Variants in SV2C observed in about 807,000 individuals in gnomAD.
SV2C encodes solute carrier family 22 member B3.
In SV2C, 49 loss-of-function variants were observed where a neutral mutation model predicts 79.7. The observed-to-expected ratio is 0.61, with a 90% CI of 0.49 to 0.78. The LOEUF is 0.78. Ranked by LOEUF, SV2C falls within the 30% of genes least tolerant of loss-of-function variation. The pLI is 0.00. For missense variants in SV2C, 833 were observed against 912.9 expected, an observed-to-expected ratio of 0.91 and a Z score of 1.13; for synonymous variants, 334 against 333.2, an observed-to-expected ratio of 1.00 and a Z score of -0.03.
At chr5:76,340,121 G>A (rs895503427) in intron 12 of SV2C, among the ~76,000 whole-genome samples, 3 of 152,104 alleles carry the variant, frequency 2.0e-5, no homozygotes, top group South Asian at 2.1e-4. Context: ...TCCCTCCAGC[G>A]CCATGACAGT....
intron 12 of SV2C, 104 bp downstream of exon 12, chr5:76,301,649 C>T: frequency 2.2e-6 from 3 of 1,379,634 alleles, no homozygotes; most frequent in Non-Finnish European, 2.9e-6. Context: ...TAGCTTATGC[C>T]TGTAATCCCA....
chr5:75,905,887 C>T, the SV2C span, among the ~76,000 whole-genome samples: 57 of 150,052 alleles, frequency 3.8e-4, no homozygotes, highest in African/African-American at 1.3e-3. Flanking sequence ...TGACCTTATT[C>T]GGAAATAGGG....
At chr5:76,046,957 C>G in the SV2C span, among the ~76,000 whole-genome samples, 1 of 152,342 alleles carries the variant, frequency 6.6e-6, no homozygotes, top group East Asian at 1.9e-4. Flanking sequence ...GGCTATCTTC[C>G]AAACCATCTT....
At chr5:76,040,469 GC>G in the SV2C span, among the ~76,000 whole-genome samples, 4 of 152,300 alleles carry the variant, frequency 2.6e-5, no homozygotes, top group African/African-American at 7.2e-5. Flanking sequence ...TATAGAAGAT[GC>G]AAAAATGCCC....
At chr5:75,993,563 C>T in the SV2C span, among the ~76,000 whole-genome samples, 10 of 152,058 alleles carry the variant, frequency 6.6e-5, no homozygotes, top group Admixed American at 1.3e-4. Flanking sequence ...TAGAGTTACA[C>T]AAGAACACTG....
chr5:76,239,630 G>T (rs559675656), intron 4 of SV2C, among the ~76,000 whole-genome samples: 3 of 152,162 alleles, frequency 2.0e-5, no homozygotes, highest in African/African-American at 4.8e-5. Context: ...TGGCAAGTTG[G>T]TTCATCTCCA....
At chr5:76,316,807 A>T (rs1748639015) in intron 12 of SV2C, among the ~76,000 whole-genome samples, 1 of 152,106 alleles carries the variant, frequency 6.6e-6, no homozygotes, top group African/African-American at 2.4e-5. Context: ...AGCCCCCCTG[A>T]GAAGCTTTCC....
rs559963523 is a variant in SV2C, at chr5:76,291,383, T to C, written c.1248+52T>C. On this transcript the variant is annotated intron_variant, in intron 7 of 12. Coordinates refer to ENST00000502798, the MANE Select transcript of SV2C (RefSeq NM_014979.4). Reference sequence around the variant, plus strand: ...GCATGTTAATTTATTGCATTTGAGGTTAGTCAGAAGAGGGGTTTACTGGGC... The same window carrying C: ...GCATGTTAATTTATTGCATTTGAGGCTAGTCAGAAGAGGGGTTTACTGGGC... The C allele has an allele frequency of 3.0e-4, 435 of 1,468,832 alleles. 5 individuals are homozygous for C. In the South Asian group the frequency reaches 4.9e-3, roughly 17 times the overall value. 91.0% of individuals were successfully genotyped at this position (1,468,832 alleles called of 1,614,324 possible). A position where few individuals can be genotyped will look rare whatever the true frequency, so the allele number is the denominator to read the frequency against.
chr5:76,071,362 G>A, the SV2C span, among the ~76,000 whole-genome samples: 6 of 152,220 alleles, frequency 3.9e-5, no homozygotes, highest in Non-Finnish European at 8.8e-5. Flanking sequence ...GCATATAAAA[G>A]TGGGCACAAA....
chr5:75,901,708 A>C, the SV2C span, among the ~76,000 whole-genome samples: 2,159 of 152,366 alleles, frequency 0.014, 45 homozygotes, highest in African/African-American at 0.047. Flanking sequence ...CTACAGAGGC[A>C]GGCAGGCCTC....
At chr5:76,227,151 C>T (rs1456692952) in intron 4 of SV2C, among the ~76,000 whole-genome samples, 1 of 133,908 alleles carries the variant, frequency 7.5e-6, no homozygotes, top group African/African-American at 2.9e-5. Context: ...TTTTCAGAAA[C>T]ATTATCTCAT....
At chr5:76,089,227 G>C (rs528263727) in intron 1 of SV2C, among the ~76,000 whole-genome samples, 6 of 152,132 alleles carry the variant, frequency 3.9e-5, no homozygotes, top group Non-Finnish European at 8.8e-5. Flanking sequence ...CCCTCCCTGT[G>C]TCCATATGTT....
intron 4 of SV2C, among the ~76,000 whole-genome samples, chr5:76,247,602 A>G (rs79002400): frequency 0.044 from 6,674 of 152,298 alleles, 483 homozygotes; most frequent in African/African-American, 0.15. Flanking sequence ...GTTGCTGTGC[A>G]TTGGCACACA....
chr5:75,851,800 G>A, the SV2C span, among the ~76,000 whole-genome samples: 1 of 152,198 alleles, frequency 6.6e-6, no homozygotes, highest in Admixed American at 6.5e-5. Context: ...CAGGCGCATG[G>A]CGCCACGCCA....
At chr5:76,353,257 T>C (rs929619328) in exon 13 of SV2C, 2 of 287,518 alleles carry the variant, frequency 7.0e-6, no homozygotes, top group Admixed American at 4.8e-5. Flanking sequence ...CTTTCCATTT[T>C]TGAGGATTAA....
At chr5:76,077,960 T>G in the SV2C span, among the ~76,000 whole-genome samples, 5 of 152,206 alleles carry the variant, frequency 3.3e-5, no homozygotes, top group African/African-American at 9.6e-5. Flanking sequence ...CCTGTGTGTA[T>G]ACTAAATTGC....
At chr5:75,949,385 TAACAGTAGACTA>T in the SV2C span, among the ~76,000 whole-genome samples, 35,644 of 151,954 alleles carry the variant, frequency 0.23, 5,712 homozygotes, top group Non-Finnish European at 0.36. Context: ...GCTGTTATAT[TAACAGTAGACTA>T]AAGGAGAGTA....
intron 4 of SV2C, among the ~76,000 whole-genome samples, chr5:76,267,756 G>A (rs1324621343): frequency 1.3e-5 from 2 of 152,240 alleles, no homozygotes; most frequent in East Asian, 3.8e-4. Flanking sequence ...GCAATCAGTA[G>A]GAATTTTCCA....
At chr5:76,338,414 A>G (rs898720903), downstream of SV2C, among the ~76,000 whole-genome samples, 1 of 152,242 alleles carries the variant, frequency 6.6e-6, no homozygotes, top group African/African-American at 2.4e-5. Flanking sequence ...TTCCAAGGAA[A>G]CTGCATCAGC....
Sources: allele counts gnomAD v4.1 joint callset (sites outside exome capture counted in the v4.1 genomes callset), GRCh38; gene constraint gnomAD v4.1.1; transcripts MANE v1.5; gene names NCBI Gene and HGNC (gene_info 2026-07-23, HGNC 2026-07-21).